Variants in ATP2C2 observed in about 807,000 individuals in gnomAD.
ATP2C2 encodes the protein calcium-transporting ATPase type 2C member 2.
In ATP2C2, 171 loss-of-function variants were observed where a neutral mutation model predicts 110.8. The observed-to-expected ratio is 1.54, with a 90% CI of 1.36 to 1.75. The LOEUF (loss-of-function observed/expected upper bound fraction) is 1.75, where lower values mean the gene tolerates loss of function less well. ATP2C2 is among the 40% of genes most tolerant of loss of function. The pLI, the probability that ATP2C2 is intolerant of heterozygous loss-of-function variation, is 0.00. For missense variants in ATP2C2, 1,963 were observed against 1,235.0 expected (o/e 1.59, Z -8.84); for synonymous variants, 804 against 508.4 (o/e 1.58, Z -7.82).
intron 1 of ATP2C2, among the ~76,000 whole-genome samples, chr16:84,382,575 A>T (rs1411716508): frequency 6.6e-6 from 1 of 152,192 alleles, no homozygotes; most frequent in Non-Finnish European, 1.5e-5. Context: ...CATTGCAGCC[A>T]GGGCTCAAAG....
chr16:84,377,856 A>C (rs560134895), intron 1 of ATP2C2, among the ~76,000 whole-genome samples: 49 of 152,262 alleles, frequency 3.2e-4, no homozygotes, highest in Middle Eastern at 3.4e-3. Context: ...TTGAGGCTGC[A>C]GCCCCTCTGG....
intron 5 of ATP2C2, 33 bp downstream of exon 5, chr16:84,410,636 G>A (rs1225357698): frequency 6.2e-7 from 1 of 1,613,774 alleles, no homozygotes; most frequent in Non-Finnish European, 8.5e-7. Flanking sequence ...GTCAGGGTAA[G>A]CTGGGCGGGA....
intron 21 of ATP2C2, among the ~76,000 whole-genome samples, chr16:84,455,257 C>T (rs531903546): frequency 3.3e-5 from 5 of 152,246 alleles, no homozygotes; most frequent in Non-Finnish European, 5.9e-5. Context: ...GATTTGCTGC[C>T]TGTGGGTGCA....
rs374182719 is a variant in ATP2C2, at chr16:84,415,502, C to G, written c.535C>G (p.Gln179Glu). ...ECNCLREGKL[Q>E]HLLARELVPG... is the part of the protein sequence containing the mutation. ...ATGCAGCCTAAGAGAAGGAAAACTC[C>G]AGCACCTGCTTGCTCGAGAACTGGT... The change falls in exon 7 of 27, where the codon CAG becomes GAG. Residue 179 changes from glutamine (Q) to glutamate (E), a missense_variant. Physicochemically the swap from Gln to Glu is conservative, Grantham distance 29. Transcript: ENST00000262429. The G allele has an allele frequency of 3.6e-5, 58 of 1,614,014 alleles. 1 individual carries two copies. In the Middle Eastern group the frequency reaches 4.9e-4, roughly 14 times the overall value.
chr16:84,439,079 C>A, intron 11 of ATP2C2, 87 bp from the exon 12 acceptor site: 2 of 1,563,756 alleles, frequency 1.3e-6, no homozygotes, highest in Non-Finnish European at 1.7e-6. Context: ...AGACAAGCTT[C>A]ACCAGCCAAA....
chr16:84,464,025 G>A lies in ATP2C2; in HGVS notation c.*293G>A. ...TAACCATGTCTAACTACGTATCTGT[G>A]CCACAGCTTGCAGTGAGGCAGGCCA... is the stretch of plus-strand genomic sequence containing the variant. On this transcript the variant is annotated 3_prime_UTR_variant, in exon 27 of 27. Transcript: ENST00000262429. 3.8e-6 allele frequency: 1 copy of A among 265,524 alleles called. No homozygotes were observed. 16.4% of individuals were successfully genotyped at this position (265,524 alleles called of 1,614,324 possible). A position where few individuals can be genotyped will look rare whatever the true frequency, so the allele number is the denominator to read the frequency against.
intron 13 of ATP2C2, among the ~76,000 whole-genome samples, chr16:84,439,833 G>GGTTT (rs943871293): frequency 5.9e-5 from 9 of 152,076 alleles, no homozygotes; most frequent in Non-Finnish European, 8.8e-5. Context: ...GTCCATTTGT[G>GGTTT]GTTTGTTTGT....
intron 6 of ATP2C2, 62 bp from the exon 7 acceptor site, chr16:84,415,421 T>C: frequency 7.6e-7 from 1 of 1,322,142 alleles, no homozygotes; most frequent in Non-Finnish European, 1.1e-6. Context: ...TTCAAATGTA[T>C]CAAGGTGCAT....
At chr16:84,462,367 G>C (rs1911465832) in intron 26 of ATP2C2, 1 of 474,538 alleles carries the variant, frequency 2.1e-6, no homozygotes, top group South Asian at 4.1e-5. Flanking sequence ...GTAGGGTCTG[G>C]GGCCCAAGGG....
At chr16:84,410,820 G>A (rs1906217131) in intron 6 of ATP2C2, 55 bp downstream of exon 6, 16 of 1,541,738 alleles carry the variant, frequency 1.0e-5, no homozygotes, top group Non-Finnish European at 1.3e-5. Context: ...CAGGGAGCTG[G>A]AGAGTTTGGC....
At chr16:84,390,212 C>T (rs1312465669) in intron 1 of ATP2C2, among the ~76,000 whole-genome samples, 1 of 152,204 alleles carries the variant, frequency 6.6e-6, no homozygotes, top group Non-Finnish European at 1.5e-5. Context: ...CGCAATGAAC[C>T]GAATCCCGGG....
At chr16:84,459,224 A>G (rs770953638) in intron 22 of ATP2C2, 36 bp downstream of exon 22, 1 of 1,614,158 alleles carries the variant, frequency 6.2e-7, no homozygotes, top group Non-Finnish European at 8.5e-7. Context: ...GTCATTAAGC[A>G]CCACGCCTGG....
At chr16:84,445,189 G>A (rs1030505682) in intron 15 of ATP2C2, among the ~76,000 whole-genome samples, 14 of 151,228 alleles carry the variant, frequency 9.3e-5, no homozygotes, top group Non-Finnish European at 1.6e-4. Context: ...TCCCCGCCAC[G>A]CCTCTGCGCA....
chr16:84,387,997 G>C (rs940602250), intron 1 of ATP2C2, among the ~76,000 whole-genome samples: 18 of 151,850 alleles, frequency 1.2e-4, no homozygotes, highest in Middle Eastern at 3.4e-3. Context: ...TGCTGGTCTC[G>C]GGTGAGCCCA....
At chr16:84,395,041 CT>C (rs1283917427) in intron 1 of ATP2C2, among the ~76,000 whole-genome samples, 1 of 152,134 alleles carries the variant, frequency 6.6e-6, no homozygotes, top group Non-Finnish European at 1.5e-5. Flanking sequence ...CATTTTGCTT[CT>C]CCATAATCCG....
rs887556729 is a variant in ATP2C2 at position 84,453,061 on chromosome 16, A to T, written c.1832-77A>T. The stretch of plus-strand genomic sequence containing the variant: ...CATGGTTTTATTCTTGGTGTTCCCC[A>T]TGGCCGAGGTGGGGCCGGGAGTGAG... On this transcript the variant is annotated intron_variant, in intron 18 of 26. Transcript: ENST00000262429. 31 of 1,438,486 alleles carry T rather than the reference A, an allele frequency of 2.2e-5. 1 individual carries two copies. The South Asian group carries it at 3.6e-4, about 17-fold the overall frequency. 89.1% of individuals were successfully genotyped at this position (1,438,486 alleles called of 1,614,324 possible).
At chr16:84,434,268 T>C (rs977674050) in intron 11 of ATP2C2, among the ~76,000 whole-genome samples, 2 of 141,454 alleles carry the variant, frequency 1.4e-5, no homozygotes, top group Non-Finnish European at 3.0e-5. Context: ...ATACAAAAAT[T>C]AGCCAGGTGT....
Position 84,371,432 on chromosome 16 carries a change from G to A in ATP2C2, c.99+2718G>A, listed in dbSNP as rs559395641. On this transcript the variant is annotated intron_variant, in intron 1 of 26. Transcript: ENST00000262429. ...AAGCAGGAGGATTGCTTGCACCTGG[G>A]AGGTCAAGGCTGCAGTGAGTTGTGA... Among the ~76,000 whole-genome samples the A allele has an allele frequency of 2.6e-5, 4 of 152,300 alleles. No homozygotes were observed. The South Asian group carries it at 8.3e-4, about 32-fold the overall frequency.
chr16:84,381,091 G>A (rs1344101798), intron 1 of ATP2C2, among the ~76,000 whole-genome samples: 1 of 152,228 alleles, frequency 6.6e-6, no homozygotes, highest in Non-Finnish European at 1.5e-5. Flanking sequence ...GGCGGGCTGA[G>A]TCCGAAAAGA....
Sources: allele counts gnomAD v4.1 joint callset (sites outside exome capture counted in the v4.1 genomes callset), GRCh38; gene constraint gnomAD v4.1.1; transcripts MANE v1.5; gene names NCBI Gene and HGNC (gene_info 2026-07-23, HGNC 2026-07-21).